NUBPL: variants seen among roughly 807,000 people sequenced by gnomAD.
NUBPL encodes iron-sulfur cluster transfer protein NUBPL.
In NUBPL, 31 loss-of-function variants were observed where a neutral mutation model predicts 45.7. The observed-to-expected ratio is 0.68, with a 90% CI of 0.51 to 0.92. The LOEUF (loss-of-function observed/expected upper bound fraction) is 0.92, where lower values mean the gene tolerates loss of function less well. Ranked by LOEUF, NUBPL falls within the 40% of genes least tolerant of loss-of-function variation. NUBPL has a pLI of 0.00. For synonymous variants in NUBPL, 144 were observed against 140.9 expected (o/e 1.02, Z -0.15); for missense variants, 401 against 398.7 (o/e 1.01, Z -0.05).
chr14:31,639,474 G>C (rs1476060739), intron 4 of NUBPL, among the ~76,000 whole-genome samples: 1 of 152,172 alleles, frequency 6.6e-6, no homozygotes, highest in Non-Finnish European at 1.5e-5. Flanking sequence ...GGCTGTGTGA[G>C]GTGTCAGTCT....
intron 3 of NUBPL, among the ~76,000 whole-genome samples, chr14:31,586,909 A>G (rs1056097360): frequency 2.0e-5 from 3 of 152,180 alleles, no homozygotes; most frequent in Admixed American, 6.5e-5. Context: ...GAATTTTGCA[A>G]TCTAAAATTG....
intron 7 of NUBPL, among the ~76,000 whole-genome samples, chr14:31,821,421 C>G (rs1328172870): frequency 1.3e-5 from 2 of 152,100 alleles, no homozygotes; most frequent in Admixed American, 6.5e-5. Flanking sequence ...CAGTGGCAAA[C>G]AGACATATGA....
intron 3 of NUBPL, among the ~76,000 whole-genome samples, chr14:31,576,186 G>A (rs577649738): frequency 6.6e-6 from 1 of 152,250 alleles, no homozygotes; most frequent in South Asian, 2.1e-4. Context: ...CCAAATGTTT[G>A]CTAAGGGCCT....
chr14:31,622,702 G>C (rs2035098101), intron 4 of NUBPL, among the ~76,000 whole-genome samples: 1 of 152,246 alleles, frequency 6.6e-6, no homozygotes, highest in African/African-American at 2.4e-5. Context: ...GGGCCTGCAA[G>C]TGCTCAGAAG....
intron 7 of NUBPL, among the ~76,000 whole-genome samples, chr14:31,807,765 T>G (rs967544234): frequency 1.3e-5 from 2 of 152,230 alleles, no homozygotes; most frequent in African/African-American, 4.8e-5. Context: ...GGTCTAACAT[T>G]TAAGTCTTTA....
chr14:31,826,084 T>C (rs1373065939), intron 7 of NUBPL, among the ~76,000 whole-genome samples: 16 of 152,096 alleles, frequency 1.1e-4, no homozygotes. Flanking sequence ...AGAGTTATGA[T>C]CCTGAATCAC....
At chr14:31,711,690 G>C (rs2037574239) in intron 6 of NUBPL, among the ~76,000 whole-genome samples, 1 of 152,082 alleles carries the variant, frequency 6.6e-6, no homozygotes, top group African/African-American at 2.4e-5. Flanking sequence ...TCTTCCTTCT[G>C]GTGGGTTTTT....
intron 4 of NUBPL, among the ~76,000 whole-genome samples, chr14:31,647,949 A>C (rs923512708): frequency 6.6e-6 from 1 of 152,254 alleles, no homozygotes; most frequent in African/African-American, 2.4e-5. Flanking sequence ...AAGGTTGTAC[A>C]TGTAGCCATC....
intron 7 of NUBPL, among the ~76,000 whole-genome samples, chr14:31,823,661 C>T (rs1399209099): frequency 6.6e-6 from 1 of 151,940 alleles, no homozygotes; most frequent in Non-Finnish European, 1.5e-5. Flanking sequence ...ATAGCTGAGT[C>T]CTTGGAAACT....
chr14:31,769,905 G>T (rs2038978263), intron 6 of NUBPL, among the ~76,000 whole-genome samples: 1 of 152,026 alleles, frequency 6.6e-6, no homozygotes, highest in African/African-American at 2.4e-5. Flanking sequence ...CAGCTAGTTT[G>T]TGACAAGAAT....
chr14:31,767,667 C>G (rs2038937838), intron 6 of NUBPL, among the ~76,000 whole-genome samples: 1 of 152,152 alleles, frequency 6.6e-6, no homozygotes, highest in South Asian at 2.1e-4. Context: ...GTCTTAGCCA[C>G]TAGACCACAG....
intron 6 of NUBPL, among the ~76,000 whole-genome samples, chr14:31,748,276 G>C (rs892881336): frequency 6.6e-6 from 1 of 152,216 alleles, no homozygotes; most frequent in Non-Finnish European, 1.5e-5. Flanking sequence ...GTATTCTGCA[G>C]CTGTTGAATG....
intron 4 of NUBPL, among the ~76,000 whole-genome samples, chr14:31,641,107 A>T (rs1370319592): frequency 6.6e-6 from 1 of 151,918 alleles, no homozygotes. Context: ...GTGCACCACC[A>T]CGCCCAGCTA....
intron 4 of NUBPL, among the ~76,000 whole-genome samples, chr14:31,621,451 T>C (rs1338064638): frequency 6.6e-6 from 1 of 152,188 alleles, no homozygotes; most frequent in Non-Finnish European, 1.5e-5. Flanking sequence ...GTCTGCCAGT[T>C]GCGAAGACCG....
intron 3 of NUBPL, among the ~76,000 whole-genome samples, chr14:31,591,534 T>C (rs947275815): frequency 5.9e-5 from 9 of 152,210 alleles, no homozygotes; most frequent in Admixed American, 1.3e-4. Context: ...AAGTCTATTT[T>C]TTTTGGAGTT....
chr14:31,745,118 T>C (rs574325193), intron 6 of NUBPL, among the ~76,000 whole-genome samples: 24 of 152,198 alleles, frequency 1.6e-4, no homozygotes, highest in African/African-American at 5.1e-4. Context: ...TTGTTACATA[T>C]GTATACATGC....
chr14:31,665,739 A>G (rs993463392), intron 4 of NUBPL, among the ~76,000 whole-genome samples: 2 of 152,122 alleles, frequency 1.3e-5, no homozygotes, highest in Non-Finnish European at 2.9e-5. Context: ...GTAGATGTCT[A>G]TTAGGTCTGT....
chr14:31,782,301 C>G (rs552562829), intron 6 of NUBPL, among the ~76,000 whole-genome samples: 15 of 151,980 alleles, frequency 9.9e-5, no homozygotes, highest in African/African-American at 3.6e-4. Context: ...AGGCTGAGAC[C>G]GGAGAATTGC....
At chr14:31,672,868 A>G (rs967852852) in intron 4 of NUBPL, among the ~76,000 whole-genome samples, 1 of 152,204 alleles carries the variant, frequency 6.6e-6, no homozygotes, top group Non-Finnish European at 1.5e-5. Flanking sequence ...ACTGTTGCAA[A>G]TTGAGTTATA....
Sources: allele counts gnomAD v4.1 joint callset (sites outside exome capture counted in the v4.1 genomes callset), GRCh38; gene constraint gnomAD v4.1.1; transcripts MANE v1.5; gene names NCBI Gene and HGNC (gene_info 2026-07-23, HGNC 2026-07-21).